CNTNAP2: variants seen among roughly 807,000 people sequenced by gnomAD.
CNTNAP2 encodes contactin-associated protein-like 2.
A neutral mutation model predicts 155.2 loss-of-function variants in CNTNAP2; 98 were observed. That is an observed-to-expected ratio of 0.63 (90% CI 0.54 to 0.75). The LOEUF (loss-of-function observed/expected upper bound fraction) is 0.75. Ranked by LOEUF, CNTNAP2 falls within the 30% of genes least tolerant of loss-of-function variation. The probability of loss-of-function intolerance (pLI) is 0.00; values close to 1 mark genes in which losing one functional copy is unlikely to be tolerated. For synonymous variants in CNTNAP2, 651 were observed against 631.2 expected (o/e 1.03, Z -0.47); for missense variants, 1,727 against 1,688.1 (o/e 1.02, Z -0.40).
intron 1 of CNTNAP2, among the ~76,000 whole-genome samples, chr7:146,280,313 TAAGTG>T (rs1242143178): frequency 2.0e-5 from 3 of 152,228 alleles, no homozygotes; most frequent in Non-Finnish European, 4.4e-5. Context: ...GAATGAGCCT[TAAGTG>T]AAGTAGTTGA....
At chr7:146,255,658 G>C (rs977208909) in intron 1 of CNTNAP2, among the ~76,000 whole-genome samples, 4 of 152,198 alleles carry the variant, frequency 2.6e-5, no homozygotes, top group African/African-American at 9.6e-5. Context: ...ATGCAAACCT[G>C]GATGGTGAAA....
chr7:146,721,275 A>C (rs950124079), intron 1 of CNTNAP2, among the ~76,000 whole-genome samples: 1 of 116,706 alleles, frequency 8.6e-6, no homozygotes, highest in African/African-American at 3.1e-5. Flanking sequence ...TATATATTCT[A>C]TATATATTCT....
At chr7:146,980,365 C>T (rs970517052) in intron 3 of CNTNAP2, among the ~76,000 whole-genome samples, 1 of 152,134 alleles carries the variant, frequency 6.6e-6, no homozygotes. Context: ...CACATAAGTC[C>T]TTGATTGACA....
chr7:146,819,938 A>G (rs1273961944), intron 2 of CNTNAP2, among the ~76,000 whole-genome samples: 4 of 152,088 alleles, frequency 2.6e-5, no homozygotes, highest in African/African-American at 9.7e-5. Flanking sequence ...CAACTCACTC[A>G]CTATTTTTAC....
chr7:146,395,786 T>G (rs13227837), intron 1 of CNTNAP2, among the ~76,000 whole-genome samples: 5,378 of 91,230 alleles, frequency 0.059, 307 homozygotes, highest in African/African-American at 0.17. Context: ...AGATGATAGA[T>G]AGATAGATAG....
At chr7:146,252,749 A>G (rs1799775318) in intron 1 of CNTNAP2, among the ~76,000 whole-genome samples, 1 of 152,220 alleles carries the variant, frequency 6.6e-6, no homozygotes, top group African/African-American at 2.4e-5. Flanking sequence ...AAAGAAAAAG[A>G]AGGAAAAGAA....
chr7:148,162,499 T>C (rs1196828995), intron 17 of CNTNAP2, among the ~76,000 whole-genome samples: 1 of 152,212 alleles, frequency 6.6e-6, no homozygotes, highest in African/African-American at 2.4e-5. Flanking sequence ...TCCACCATTT[T>C]AGCAGTGGCC....
chr7:147,199,625 T>G (rs762970835), intron 8 of CNTNAP2, among the ~76,000 whole-genome samples: 4 of 152,104 alleles, frequency 2.6e-5, no homozygotes, highest in Non-Finnish European at 4.4e-5. Flanking sequence ...CAAGTCTTTT[T>G]GTAGGGCTTG....
At chr7:146,611,138 C>T (rs1053695694) in intron 1 of CNTNAP2, among the ~76,000 whole-genome samples, 6 of 152,210 alleles carry the variant, frequency 3.9e-5, no homozygotes, top group Admixed American at 3.9e-4. Flanking sequence ...TAAGGCCTCG[C>T]TCTGTCGCCA....
intron 2 of CNTNAP2, among the ~76,000 whole-genome samples, chr7:146,781,640 G>A (rs1007075936): frequency 3.3e-5 from 5 of 152,156 alleles, no homozygotes; most frequent in African/African-American, 9.7e-5. Flanking sequence ...TCAGCAAACA[G>A]TAAAACCTTA....
chr7:147,948,829 GACT>G (rs1563145051), intron 14 of CNTNAP2, among the ~76,000 whole-genome samples: 1 of 151,708 alleles, frequency 6.6e-6, no homozygotes, highest in African/African-American at 2.4e-5. Flanking sequence ...ATAAACAATC[GACT>G]ACCACATATT....
At chr7:146,683,943 C>T (rs1800550028) in intron 1 of CNTNAP2, among the ~76,000 whole-genome samples, 1 of 152,184 alleles carries the variant, frequency 6.6e-6, no homozygotes, top group Non-Finnish European at 1.5e-5. Flanking sequence ...ATAGTCATAG[C>T]AGCTACACCT....
intron 15 of CNTNAP2, among the ~76,000 whole-genome samples, chr7:148,074,755 C>A (rs1220715077): frequency 6.6e-6 from 1 of 151,668 alleles, no homozygotes; most frequent in Non-Finnish European, 1.5e-5. Context: ...ATCTTTTCTC[C>A]AAGTTTTCTT....
chr7:146,813,391 G>A (rs1013009957), intron 2 of CNTNAP2, among the ~76,000 whole-genome samples: 1 of 152,158 alleles, frequency 6.6e-6, no homozygotes, highest in African/African-American at 2.4e-5. Flanking sequence ...TGTGAGACAT[G>A]GAGTCAAAGG....
chr7:146,548,360 T>C, intron 1 of CNTNAP2, among the ~76,000 whole-genome samples: 1 of 152,054 alleles, frequency 6.6e-6, no homozygotes, highest in East Asian at 1.9e-4. Flanking sequence ...CTTTATCTGG[T>C]CTATCGCAGA....
At chr7:148,097,372 A>G (rs1261416502) in intron 15 of CNTNAP2, among the ~76,000 whole-genome samples, 1 of 143,030 alleles carries the variant, frequency 7.0e-6, no homozygotes, top group Non-Finnish European at 1.5e-5. Context: ...ACCATAAAAA[A>G]TAAAAATAAA....
intron 9 of CNTNAP2, among the ~76,000 whole-genome samples, chr7:147,379,321 C>T (rs945245065): frequency 6.6e-5 from 10 of 151,998 alleles, no homozygotes; most frequent in African/African-American, 7.2e-5. Context: ...CCAAATTTAG[C>T]TGAAATTGAA....
chr7:148,158,829 A>G (rs1018182840), intron 17 of CNTNAP2, among the ~76,000 whole-genome samples: 15 of 152,260 alleles, frequency 9.9e-5, no homozygotes, highest in Non-Finnish European at 1.9e-4. Flanking sequence ...GTTTTTCAAC[A>G]AATAAATAAT....
At chr7:147,478,581 G>A (rs531996458) in intron 10 of CNTNAP2, among the ~76,000 whole-genome samples, 104 of 152,262 alleles carry the variant, frequency 6.8e-4, no homozygotes, top group African/African-American at 2.5e-3. Flanking sequence ...AGATTACTTA[G>A]ATATTTTCCT....
Sources: gnomAD v4.1 joint callset for allele counts (sites outside exome capture counted in the v4.1 genomes callset) on GRCh38, gnomAD v4.1.1 for gene constraint, MANE v1.5 for transcripts, NCBI Gene and HGNC (gene_info 2026-07-23, HGNC 2026-07-21) for gene names.